Variants in GMDS observed in about 807,000 individuals in gnomAD.
GMDS encodes the protein GDP-mannose 4,6 dehydratase.
Under a neutral mutation model 49.9 loss-of-function variants are expected in GMDS, and 20 were observed. The ratio of observed to expected loss-of-function variants is 0.40; its 90% CI spans 0.28 to 0.58. GMDS has a LOEUF of 0.58. Among genes scored for constraint, GMDS ranks in the 20% least tolerant of loss-of-function variants. GMDS has a pLI of 0.42. For missense variants in GMDS, 362 were observed against 481.4 expected (o/e 0.75, Z 2.32); for synonymous variants, 177 against 178.6 (o/e 0.99, Z 0.07).
At chr6:1,861,737 T>C (rs1581268080) in intron 7 of GMDS, among the ~76,000 whole-genome samples, 2 of 152,226 alleles carry the variant, frequency 1.3e-5, no homozygotes, top group Middle Eastern at 6.9e-3. Context: ...CCTGGTGTCG[T>C]GGCCTCTTCT....
At chr6:1,701,765 T>A (rs1765551490) in intron 9 of GMDS, among the ~76,000 whole-genome samples, 1 of 152,190 alleles carries the variant, frequency 6.6e-6, no homozygotes, top group Non-Finnish European at 1.5e-5. Flanking sequence ...TATAAATTCT[T>A]CCTTTCCATA....
At chr6:2,130,257 A>G (rs1175037288) in intron 1 of GMDS, among the ~76,000 whole-genome samples, 3 of 152,242 alleles carry the variant, frequency 2.0e-5, no homozygotes, top group Admixed American at 6.5e-5. Context: ...TACCATCAAT[A>G]TTTAAAACAC....
chr6:1,732,076 C>T lies in GMDS; in HGVS notation c.891-5564G>A, dbSNP rs62388347. Among the ~76,000 whole-genome samples the T allele has an allele frequency of 4.4e-3, 666 of 152,280 alleles. 2 individuals carry two copies. Among genetic ancestry groups the T allele is most frequent in the Non-Finnish European group, 7.6e-3 (514 of 68,016 alleles). On this transcript the variant is annotated intron_variant, in intron 8 of 10. Transcript: ENST00000380815. ...GGCATGGTGGCTCACGCCTGTAATC[C>T]CAGCACTTTGGGAGGCCGAGGCATG...
intron 7 of GMDS, among the ~76,000 whole-genome samples, chr6:1,804,096 T>G (rs1011074379): frequency 2.6e-5 from 4 of 152,256 alleles, no homozygotes; most frequent in Admixed American, 6.5e-5. Flanking sequence ...CTGCTCAAAT[T>G]CAAGGCGAAA....
chr6:1,883,625 G>T (rs1397053499), intron 7 of GMDS, among the ~76,000 whole-genome samples: 3 of 152,042 alleles, frequency 2.0e-5, no homozygotes, highest in Non-Finnish European at 4.4e-5. Flanking sequence ...AAAAATCTAG[G>T]TAAGTCTAAT....
At chr6:2,169,042 A>T (rs1777809605) in intron 1 of GMDS, among the ~76,000 whole-genome samples, 1 of 152,226 alleles carries the variant, frequency 6.6e-6, no homozygotes, top group South Asian at 2.1e-4. Context: ...TTCAGAGAGA[A>T]TTTGTAGACT....
chr6:2,000,602 C>T (rs1766750913), intron 4 of GMDS, among the ~76,000 whole-genome samples: 1 of 152,194 alleles, frequency 6.6e-6, no homozygotes, highest in Non-Finnish European at 1.5e-5. Context: ...GCATGTATCA[C>T]TACTTTATTA....
At chr6:1,738,854 C>G (rs182514724) in intron 8 of GMDS, among the ~76,000 whole-genome samples, 152 of 152,342 alleles carry the variant, frequency 1.0e-3, no homozygotes, top group African/African-American at 3.4e-3. Context: ...AGCTGGACAG[C>G]TCCAACAAGC....
chr6:2,190,783 C>T (rs1364944062), intron 1 of GMDS, among the ~76,000 whole-genome samples: 2 of 152,184 alleles, frequency 1.3e-5, no homozygotes, highest in East Asian at 1.9e-4. Context: ...GGGCTGTCCA[C>T]GGCAGGGGAG....
intron 9 of GMDS, among the ~76,000 whole-genome samples, chr6:1,655,413 T>A (rs1038495637): frequency 6.6e-6 from 1 of 152,126 alleles, no homozygotes; most frequent in Non-Finnish European, 1.5e-5. Context: ...TTTTTTCAAT[T>A]GACACATTTT....
At position 2,245,411 on chromosome 6, in the gene GMDS, T is replaced by C; in HGVS notation, c.12A>G (p.Ala4=). 1.3e-6 allele frequency: 2 copies of C among 1,522,546 alleles called. No homozygotes were observed. Among genetic ancestry groups the C allele is most frequent in the Non-Finnish European group, 1.8e-6 (2 of 1,140,088 alleles). The allele number at this position is 1,522,546 out of a possible 1,614,324, so 94.3% of individuals were successfully genotyped here. A position where few individuals can be genotyped will look rare whatever the true frequency, so the allele number is the denominator to read the frequency against. The change falls in exon 1 of 11, where the codon GCA becomes GCG. Residue 4 remains alanine (A), a synonymous_variant. Transcript: ENST00000380815. The stretch of plus-strand genomic sequence containing the variant: ...CCCGGGCGCTGGGGCAGCGTGCCGG[T>C]GCGTGTGCCATGTCCCGCGGCGGGC... MAH[A]PARCPSARGS...
chr6:1,880,620 A>G (rs1581298006), intron 7 of GMDS, among the ~76,000 whole-genome samples: 1 of 152,272 alleles, frequency 6.6e-6, no homozygotes, highest in East Asian at 1.9e-4. Flanking sequence ...AATAGCTGCT[A>G]GAGTTGGTAT....
chr6:1,698,943 C>T (rs1362132152), intron 9 of GMDS, among the ~76,000 whole-genome samples: 2 of 152,116 alleles, frequency 1.3e-5, no homozygotes, highest in Admixed American at 1.3e-4. Flanking sequence ...ACACTCACAA[C>T]AAGCCACAGT....
At chr6:1,923,615 C>T (rs1289977769) in intron 7 of GMDS, among the ~76,000 whole-genome samples, 2 of 152,162 alleles carry the variant, frequency 1.3e-5, no homozygotes, top group African/African-American at 2.4e-5. Context: ...GAGCAGCAGC[C>T]AGCCGGATCC....
intron 4 of GMDS, among the ~76,000 whole-genome samples, chr6:2,044,264 T>C (rs6920190): frequency 0.39 from 59,440 of 152,076 alleles, 11,846 homozygotes; most frequent in Middle Eastern, 0.47. Context: ...CATGCACGCA[T>C]ATGTTCACTG....
At chr6:1,937,024 C>T (rs533317296) in intron 6 of GMDS, among the ~76,000 whole-genome samples, 1 of 151,692 alleles carries the variant, frequency 6.6e-6, no homozygotes, top group Admixed American at 6.6e-5. Flanking sequence ...ATCTTTTGTC[C>T]TTTATATGGT....
chr6:1,694,941 A>G (rs974993864), intron 9 of GMDS, among the ~76,000 whole-genome samples: 1 of 152,218 alleles, frequency 6.6e-6, no homozygotes, highest in Non-Finnish European at 1.5e-5. Flanking sequence ...TCTTTGAGTA[A>G]GGAATGCTTC....
chr6:1,784,534 C>T (rs1769246790), intron 7 of GMDS, among the ~76,000 whole-genome samples: 3 of 151,972 alleles, frequency 2.0e-5, no homozygotes, highest in South Asian at 4.2e-4. Flanking sequence ...AGAGAGGAGA[C>T]AGCAGATTTG....
At chr6:1,862,168 G>A (rs1758219271) in intron 7 of GMDS, among the ~76,000 whole-genome samples, 1 of 152,166 alleles carries the variant, frequency 6.6e-6, no homozygotes, top group Admixed American at 6.5e-5. Context: ...TTCTGCACTG[G>A]GACTTCGCAT....
Sources: allele counts gnomAD v4.1 joint callset (sites outside exome capture counted in the v4.1 genomes callset), GRCh38; gene constraint gnomAD v4.1.1; transcripts MANE v1.5; gene names NCBI Gene and HGNC (gene_info 2026-07-23, HGNC 2026-07-21).